Variants in WDSUB1 observed in about 807,000 individuals in gnomAD.
The protein encoded by WDSUB1 is WD repeat, sterile alpha motif and U-box domain containing 1, also known as WD repeat, SAM and U-box domain-containing protein 1.
A neutral mutation model predicts 53.9 loss-of-function variants in WDSUB1; 49 were observed. The observed-to-expected ratio is 0.91, with a 90% CI of 0.72 to 1.15. The LOEUF (loss-of-function observed/expected upper bound fraction) is 1.15. WDSUB1 is among the 50% of genes most tolerant of loss of function. The pLI, the probability that WDSUB1 is intolerant of heterozygous loss-of-function variation, is 0.00. For missense variants in WDSUB1, 514 were observed against 562.0 expected (o/e 0.91, Z 0.86); for synonymous variants, 194 against 200.6 (o/e 0.97, Z 0.28).
chr2:159,256,272 A>G lies in WDSUB1; in HGVS notation c.1056T>C (p.Ile352=). The change falls in exon 9 of 11, where the codon ATT becomes ATC. Residue 352 remains isoleucine, a synonymous_variant. Coordinates refer to ENST00000359774, the MANE Select transcript of WDSUB1 (RefSeq NM_001128212.3). ...CAQDLKDLVG[I]FKMNNIDGKE... is the part of the protein sequence containing the mutation. ...TTCCATCAATGTTATTCATCTTGAA[A>G]ATACCAACAAGATCTTTTAAATCTT... The G allele has an allele frequency of 6.2e-7, 1 of 1,612,190 alleles. No individual in the cohort carries two copies. Among genetic ancestry groups the G allele is most frequent in the African/African-American group, 1.3e-5 (1 of 74,954 alleles).
At chr2:159,265,293 CCACACACACA>C (rs75210001) in intron 5 of WDSUB1, among the ~76,000 whole-genome samples, 1 of 149,360 alleles carries the variant, frequency 6.7e-6, no homozygotes, top group Non-Finnish European at 1.5e-5. Context: ...AGCACACACA[CCACACACACA>C]CACACACACA....
intron 10 of WDSUB1, among the ~76,000 whole-genome samples, chr2:159,244,529 G>A (rs1485614029): frequency 6.6e-6 from 1 of 152,216 alleles, no homozygotes; most frequent in East Asian, 1.9e-4. Context: ...TGTGTTGAGG[G>A]AGTTGGTTAC....
chr2:159,286,454 G>A lies in WDSUB1; in HGVS notation c.-25+129C>T, dbSNP rs1038714984. On this transcript the variant is annotated intron_variant, in intron 1 of 10. Coordinates refer to ENST00000359774, the MANE Select transcript of WDSUB1 (RefSeq NM_001128212.3). The stretch of plus-strand genomic sequence containing the variant: ...ACGCCTCGCCGCACTCAAGGTCCCG[G>A]TTGGGCCCTGCTGCGCGGTTAGAAC... The A allele has an allele frequency of 5.2e-5, 8 of 152,418 alleles. No individual in the cohort carries two copies. In the East Asian group the frequency reaches 1.5e-3, roughly 30 times the overall value. The allele number at this position is 152,418 out of a possible 1,614,324, so 9.4% of individuals were successfully genotyped here.
At chr2:159,258,067 T>C in intron 6 of WDSUB1, 82 bp from the exon 7 acceptor site, 1 of 1,228,546 alleles carries the variant, frequency 8.1e-7, no homozygotes, top group South Asian at 1.2e-5. Flanking sequence ...ATAAATGGGT[T>C]GTATACTAAG....
At position 159,257,864 on chromosome 2, in the gene WDSUB1, C is replaced by A. The variant is rs2061101118; in HGVS notation, c.846G>T (p.Arg282Ser). 6.2e-7 allele frequency: 1 copy of A among 1,613,326 alleles called. No homozygotes were observed. The highest frequency in any genetic ancestry group is 1.3e-5 in the African/African-American group (1 of 74,860). The change falls in exon 8 of 11, where the codon AGG becomes AGT. Residue 282 changes from arginine (R) to serine (S), a missense_variant and splice_region_variant. Physicochemically the swap from Arg to Ser is moderately radical, Grantham distance 110. Transcript: ENST00000359774. ...NILHTLTQHT[R>S]YVTTCAFAPN... ...GTGCAAAAGCACAAGTTGTGACATACCTAGTTAATAAAAACAACTATTATG... is the reference window on the plus strand; with the variant it reads ...GTGCAAAAGCACAAGTTGTGACATAACTAGTTAATAAAAACAACTATTATG...
Position 159,236,076 on chromosome 2 carries a change from A to AGAGTCCTATTTGGTGTAAGTACC in WDSUB1, c.1365_1387dup (p.Leu463ArgfsTer9), listed in dbSNP as rs763481592. On this transcript the variant is annotated frameshift_variant, in exon 11 of 11. Transcript: ENST00000359774. LOFTEE classifies it high-confidence loss of function. ...CAGCCATCTATTGATGGCCATTTTC[A>AGAGTCCTATTTGGTGTAAGTACC]GAGTCCTATTTGGTGTAAGTACCGC... The AGAGTCCTATTTGGTGTAAGTACC allele has an allele frequency of 6.2e-7, 1 of 1,612,080 alleles. No homozygotes were observed. The highest frequency in any genetic ancestry group is 1.7e-5 in the Admixed American group (1 of 59,722).
chr2:159,260,535 G>T (rs1397488306), intron 5 of WDSUB1, among the ~76,000 whole-genome samples: 1 of 152,134 alleles, frequency 6.6e-6, no homozygotes, highest in African/African-American at 2.4e-5. Context: ...TTGATAAGGC[G>T]TGCCTTAAAT....
intron 10 of WDSUB1, among the ~76,000 whole-genome samples, chr2:159,236,497 G>A (rs114823786): frequency 0.023 from 3,537 of 152,288 alleles, 70 homozygotes; most frequent in East Asian, 0.046. Context: ...ACAGAGCTGG[G>A]TAGAGTGGGA....
intron 5 of WDSUB1, 64 bp downstream of exon 5, chr2:159,271,638 T>C (rs1239804517): frequency 4.3e-6 from 6 of 1,380,368 alleles, no homozygotes; most frequent in Non-Finnish European, 6.2e-6. Flanking sequence ...TTTCATGTAC[T>C]TTTCCGTGTG....
chr2:159,247,892 T>TATATATATATATATATATAA (rs2060839612), intron 10 of WDSUB1, among the ~76,000 whole-genome samples: 13 of 28,344 alleles, frequency 4.6e-4, no homozygotes, highest in African/African-American at 1.4e-3. Context: ...AATAAATATA[T>TATATATATATATATATATAA]ATATATATAT....
At chr2:159,261,881 TA>T (rs2061218137) in intron 5 of WDSUB1, among the ~76,000 whole-genome samples, 2 of 17,590 alleles carry the variant, frequency 1.1e-4, no homozygotes, top group African/African-American at 3.1e-4. Context: ...TATATATATA[TA>T]TATATATATA....
chr2:159,269,166 T>A (rs925039713), intron 5 of WDSUB1, among the ~76,000 whole-genome samples: 1 of 45,030 alleles, frequency 2.2e-5, no homozygotes, highest in Non-Finnish European at 6.9e-5. Flanking sequence ...TTTCCACAGA[T>A]TTTTTTTTTT....
At chr2:159,264,665 G>A (rs1461007878) in intron 5 of WDSUB1, among the ~76,000 whole-genome samples, 1 of 152,118 alleles carries the variant, frequency 6.6e-6, no homozygotes, top group Non-Finnish European at 1.5e-5. Flanking sequence ...TCTTTTTTCT[G>A]ATCTGCACTG....
chr2:159,280,708 A>AAAAAAAAAAACAAAAAAAC (rs111752652), intron 2 of WDSUB1, among the ~76,000 whole-genome samples: 2 of 134,322 alleles, frequency 1.5e-5, no homozygotes, highest in African/African-American at 6.7e-5. Context: ...AAAAAAAAAA[A>AAAAAAAAAAACAAAAAAAC]ATTACCCAGA....
At chr2:159,258,884 G>A (rs1054571447) in intron 6 of WDSUB1, among the ~76,000 whole-genome samples, 3 of 152,152 alleles carry the variant, frequency 2.0e-5, no homozygotes, top group South Asian at 2.1e-4. Context: ...TCAGTGACTC[G>A]AACTTCTGTG....
intron 10 of WDSUB1, among the ~76,000 whole-genome samples, chr2:159,244,005 A>C (rs1177743364): frequency 6.6e-6 from 1 of 151,612 alleles, no homozygotes; most frequent in Non-Finnish European, 1.5e-5. Flanking sequence ...CAAACTAATA[A>C]AGCAATCTAT....
At chr2:159,258,890 C>G (rs56249397) in intron 6 of WDSUB1, among the ~76,000 whole-genome samples, 14,892 of 152,248 alleles carry the variant, frequency 0.098, 998 homozygotes, top group Non-Finnish European at 0.15. Flanking sequence ...ACTCGAACTT[C>G]TGTGTGGAAG....
chr2:159,236,065 T>C lies in WDSUB1; in HGVS notation c.1399A>G (p.Ile467Val). The change falls in exon 11 of 11, where the codon ATC becomes GTC. Residue 467 changes from isoleucine (I) to valine (V), a missense_variant. Physicochemically the swap from Ile to Val is conservative, Grantham distance 29. Coordinates refer to ENST00000359774, the MANE Select transcript of WDSUB1 (RefSeq NM_001128212.3). ...LTPNRTLKMA[I>V]NRWLETHQK ...TGGTGTGTCTCCAGCCATCTATTGA[T>C]GGCCATTTTCAGAGTCCTATTTGGT... is the stretch of plus-strand genomic sequence containing the variant. 2 of 1,610,916 alleles carry C rather than the reference T, an allele frequency of 1.2e-6. No homozygotes were observed. The highest frequency in any genetic ancestry group is 1.7e-6 in the Non-Finnish European group (2 of 1,179,216).
At chr2:159,266,371 G>A (rs1324182833) in intron 5 of WDSUB1, among the ~76,000 whole-genome samples, 1 of 152,112 alleles carries the variant, frequency 6.6e-6, no homozygotes, top group Non-Finnish European at 1.5e-5. Flanking sequence ...TGTATTTTTA[G>A]TACAGATGGG....
Sources: gnomAD v4.1 joint callset for allele counts (sites outside exome capture counted in the v4.1 genomes callset) on GRCh38, gnomAD v4.1.1 for gene constraint, MANE v1.5 for transcripts, NCBI Gene and HGNC (gene_info 2026-07-23, HGNC 2026-07-21) for gene names.